The following TSKS variants were observed in gnomAD, a reference collection of about 807,000 sequenced individuals.
The protein encoded by TSKS is testis-specific serine kinase substrate.
TSKS carries 27 observed loss-of-function variants against 68.0 expected under a neutral mutation model. That is an observed-to-expected ratio of 0.40 (90% CI 0.29 to 0.55). TSKS has a LOEUF of 0.55. Among genes scored for constraint, TSKS ranks in the 20% least tolerant of loss-of-function variants. The probability of loss-of-function intolerance (pLI) is 0.53; values close to 1 mark genes in which losing one functional copy is unlikely to be tolerated. For missense variants in TSKS, 806 were observed against 776.0 expected (o/e 1.04, Z -0.46); for synonymous variants, 331 against 340.4 (o/e 0.97, Z 0.30).
chr19:49,741,788 C>T, intron 9 of TSKS, 97 bp downstream of exon 9: 1 of 1,551,216 alleles, frequency 6.4e-7, no homozygotes, highest in Non-Finnish European at 8.8e-7. Flanking sequence ...CCTTCCCCTT[C>T]TGCCACACAC....
intron 2 of TSKS, 76 bp downstream of exon 2, chr19:49,761,928 C>A (rs1293552997): frequency 7.9e-7 from 1 of 1,264,286 alleles, no homozygotes; most frequent in East Asian, 2.3e-5. Context: ...AAACACCCCA[C>A]CCCCGTCCTA....
intron 2 of TSKS, among the ~76,000 whole-genome samples, chr19:49,754,774 C>G (rs1674137): frequency 6.6e-6 from 1 of 151,828 alleles, no homozygotes; most frequent in African/African-American, 2.4e-5. Flanking sequence ...ACTAAAGAGA[C>G]AAACATTATT....
At chr19:49,744,634 G>T (rs1211410886) in intron 7 of TSKS, among the ~76,000 whole-genome samples, 1 of 152,024 alleles carries the variant, frequency 6.6e-6, no homozygotes, top group African/African-American at 2.4e-5. Flanking sequence ...CCAGGCTGGA[G>T]TGCAGCAGCA....
chr19:49,745,213 C>T lies in TSKS; in HGVS notation c.1176G>A (p.Glu392=). The T allele has an allele frequency of 6.2e-7, 1 of 1,600,444 alleles. No homozygotes were observed. The highest frequency in any genetic ancestry group is 8.5e-7 in the Non-Finnish European group (1 of 1,173,738). The change falls in exon 7 of 11, where the codon GAG becomes GAA. Residue 392 remains glutamate, a synonymous_variant. Transcript: ENST00000246801. ...GCCCCAATCCTCACATGGTGCACAG[C>T]TCATCCGCCCGACCTCGCAGCTCCT... ...DLQELRGRAD[E]LCTMVERSAV... is the part of the protein sequence containing the mutation.
intron 1 of TSKS, 62 bp from the exon 2 acceptor site, chr19:49,762,294 C>T: frequency 7.5e-7 from 1 of 1,324,788 alleles, no homozygotes; most frequent in Non-Finnish European, 1.1e-6. Context: ...GGCCCTCCTG[C>T]CTTCCTTTCT....
At chr19:49,741,736 A>G in intron 9 of TSKS, 149 bp downstream of exon 9, 2 of 1,039,842 alleles carry the variant, frequency 1.9e-6, no homozygotes, top group East Asian at 2.4e-5. Flanking sequence ...CCCATGCATT[A>G]GGGCCAAGTC....
At chr19:49,753,987 C>T (rs1196581994) in intron 2 of TSKS, among the ~76,000 whole-genome samples, 10 of 149,032 alleles carry the variant, frequency 6.7e-5, no homozygotes, top group African/African-American at 1.5e-4. Flanking sequence ...TGGGTTCAAG[C>T]GATTCCCCTG....
chr19:49,746,826 A>C, intron 5 of TSKS, 28 bp from the exon 6 acceptor site: 1 of 1,590,736 alleles, frequency 6.3e-7, no homozygotes, highest in East Asian at 2.2e-5. Context: ...ACGGGGTCAC[A>C]GCGTCCAGCC....
chr19:49,740,806 C>T lies in TSKS; in HGVS notation c.1498-623G>A, dbSNP rs372792102. 7.2e-5 allele frequency among the ~76,000 whole-genome samples: 11 copies of T among 152,016 alleles called. No homozygotes were observed. In the South Asian group the frequency reaches 1.7e-3, roughly 23 times the overall value. Reference sequence around the variant, plus strand: ...GGCTGAGACACGAGAATCGTTTGAACCTGGGAGGTGGAGGTTGCAACGAGC... The same window carrying T: ...GGCTGAGACACGAGAATCGTTTGAATCTGGGAGGTGGAGGTTGCAACGAGC... On this transcript the variant is annotated intron_variant, in intron 9 of 10. Transcript: ENST00000246801.
chr19:49,761,931 C>T (rs1324286373), intron 2 of TSKS, 73 bp downstream of exon 2: 1 of 1,290,640 alleles, frequency 7.7e-7, no homozygotes, highest in African/African-American at 1.5e-5. Context: ...CACCCCACCC[C>T]CGTCCTAAGT....
intron 2 of TSKS, among the ~76,000 whole-genome samples, chr19:49,752,383 C>CAA (rs35015955): frequency 7.8e-4 from 65 of 83,222 alleles, no homozygotes; most frequent in African/African-American, 1.9e-3. Flanking sequence ...AACTCCATCT[C>CAA]AAAAAAAAAA....
At chr19:49,749,409 G>T (rs1422722039) in intron 2 of TSKS, among the ~76,000 whole-genome samples, 1 of 152,170 alleles carries the variant, frequency 6.6e-6, no homozygotes, top group Non-Finnish European at 1.5e-5. Flanking sequence ...ATCACATAAA[G>T]TGTTGTGCGA....
At position 49,762,014 on chromosome 19, in the gene TSKS, G is replaced by A. The variant is rs778576898; in HGVS notation, c.389C>T (p.Thr130Met). The change falls in exon 2 of 11, where the codon ACG becomes ATG. Residue 130 changes from threonine (T) to methionine (M), a missense_variant. Coordinates refer to ENST00000246801, the MANE Select transcript of TSKS (RefSeq NM_021733.2). ...GTGGAGGGCCCTCACCAGGATTTCC[G>A]TGATGTCTGCGTCATCCGGATCCCA... The part of the protein sequence containing the change: ...LPWDPDDADI[T>M]EILSGVNSGL... The A allele has an allele frequency of 1.0e-4, 162 of 1,612,776 alleles. 1 individual carries two copies. In the East Asian group the frequency reaches 3.4e-3, roughly 34 times the overall value.
intron 2 of TSKS, among the ~76,000 whole-genome samples, chr19:49,759,659 A>C (rs1209994352): frequency 6.6e-6 from 1 of 150,560 alleles, no homozygotes; most frequent in Non-Finnish European, 1.5e-5. Context: ...AAAAAAAAAA[A>C]AAACCGAAAG....
At position 49,748,451 on chromosome 19, in the gene TSKS, A is replaced by G. The variant is rs1391972952; in HGVS notation, c.418T>C (p.Leu140=). The G allele has an allele frequency of 1.2e-6, 2 of 1,614,026 alleles. No homozygotes were observed. The highest frequency in any genetic ancestry group is 2.7e-5 in the African/African-American group (2 of 74,926). ...GTGATGGAGTCTTTGGCGCGGACCA[A>G]TCCACTGTTGACCCCACTCTGGGGA... The part of the protein sequence containing the change: ...TEILSGVNSG[L]VRAKDSITSL... The change falls in exon 3 of 11, where the codon TTG becomes CTG. Residue 140 remains leucine (L), a synonymous_variant. Transcript: ENST00000246801.
chr19:49,743,825 A>G (rs1442120243), intron 8 of TSKS, among the ~76,000 whole-genome samples: 1 of 125,106 alleles, frequency 8.0e-6, no homozygotes, highest in Non-Finnish European at 1.7e-5. Flanking sequence ...TCATGCCCCA[A>G]CTTCCTGAGT....
At position 49,740,046 on chromosome 19, in the gene TSKS, C is replaced by T; in HGVS notation, c.1622+13G>A. ...TCTCACCCTCCTCCCATGCCCTCAG[C>T]CTCCTTCCTCACTCTGGCTTCATCT... On this transcript the variant is annotated intron_variant, in intron 10 of 10. Transcript: ENST00000246801. 1.2e-6 allele frequency: 2 copies of T among 1,614,142 alleles called. No individual in the cohort carries two copies. Among genetic ancestry groups the T allele is most frequent in the Non-Finnish European group, 1.7e-6 (2 of 1,180,020 alleles).
intron 2 of TSKS, among the ~76,000 whole-genome samples, chr19:49,754,995 G>C (rs1011889517): frequency 6.6e-6 from 1 of 152,148 alleles, no homozygotes; most frequent in African/African-American, 2.4e-5. Flanking sequence ...TACTCGGGAG[G>C]CTGAGGCAGC....
At chr19:49,745,511 G>A in intron 6 of TSKS, 115 bp from the exon 7 acceptor site, 2 of 930,506 alleles carry the variant, frequency 2.1e-6, no homozygotes, top group South Asian at 2.0e-5. Flanking sequence ...GACCATGCCC[G>A]TGGCTCCAGA....
Sources: gnomAD v4.1 joint callset for allele counts (sites outside exome capture counted in the v4.1 genomes callset) on GRCh38, gnomAD v4.1.1 for gene constraint, MANE v1.5 for transcripts, NCBI Gene and HGNC (gene_info 2026-07-23, HGNC 2026-07-21) for gene names.